The following NBAS variants were observed in gnomAD, a reference collection of about 807,000 sequenced individuals.
NBAS encodes the protein NBAS subunit of NRZ tethering complex.
In NBAS, 219 loss-of-function variants were observed where a neutral mutation model predicts 302.5. The ratio of observed to expected loss-of-function variants is 0.72; its 90% CI spans 0.65 to 0.81. The LOEUF is 0.81. Among genes scored for constraint, NBAS ranks in the 30% least tolerant of loss-of-function variants. The pLI is 0.00. For missense variants in NBAS, 2,932 were observed against 2,841.6 expected (o/e 1.03, Z -0.72); for synonymous variants, 1,118 against 1,021.6 (o/e 1.09, Z -1.80).
chr2:15,542,047 GT>G (rs1663870847), intron 6 of NBAS, among the ~76,000 whole-genome samples: 1 of 84,584 alleles, frequency 1.2e-5, no homozygotes, highest in African/African-American at 4.3e-5. Context: ...CGTCCAGGAG[GT>G]GAGGGGCGCC....
chr2:15,364,663 C>A (rs1166547419), intron 32 of NBAS, among the ~76,000 whole-genome samples: 2 of 152,088 alleles, frequency 1.3e-5, no homozygotes, highest in African/African-American at 4.8e-5. Flanking sequence ...AAGGAGAAAT[C>A]ACAGAGAGCA....
intron 32 of NBAS, among the ~76,000 whole-genome samples, chr2:15,365,010 C>T (rs545786617): frequency 1.2e-4 from 18 of 152,232 alleles, no homozygotes; most frequent in African/African-American, 2.6e-4. Context: ...AAAATTAGCA[C>T]GGCCTTTCTT....
chr2:14,801,396 T>A, the NBAS span, among the ~76,000 whole-genome samples: 1 of 152,194 alleles, frequency 6.6e-6, no homozygotes, highest in African/African-American at 2.4e-5. Context: ...TGCTATGACT[T>A]TAATTTCACC....
At chr2:15,546,129 C>A (rs1183681719) in intron 6 of NBAS, among the ~76,000 whole-genome samples, 2 of 152,090 alleles carry the variant, frequency 1.3e-5, no homozygotes, top group Non-Finnish European at 2.9e-5. Context: ...TTTTAACAAC[C>A]TATCTTTAAG....
chr2:14,791,586 G>A, the NBAS span, among the ~76,000 whole-genome samples: 14 of 151,960 alleles, frequency 9.2e-5, no homozygotes, highest in Non-Finnish European at 1.8e-4. Context: ...GGCACATCAC[G>A]AGGTCAGGAG....
At chr2:15,394,083 C>A in intron 28 of NBAS, 144 bp downstream of exon 28, 2 of 960,970 alleles carry the variant, frequency 2.1e-6, no homozygotes, top group South Asian at 1.8e-5. Flanking sequence ...ACACACATAT[C>A]AAAACTTATC....
the NBAS span, among the ~76,000 whole-genome samples, chr2:15,075,861 G>T: frequency 1.3e-5 from 2 of 152,136 alleles, no homozygotes. Flanking sequence ...GAATGAAGTT[G>T]GTTGGTAAAA....
At chr2:15,528,832 A>C (rs1663062235) in intron 9 of NBAS, among the ~76,000 whole-genome samples, 1 of 147,070 alleles carries the variant, frequency 6.8e-6, no homozygotes, top group Non-Finnish European at 1.5e-5. Context: ...TTGCCATTGC[A>C]CTTTAGCCTG....
chr2:15,314,540 G>C (rs886887681), intron 38 of NBAS, among the ~76,000 whole-genome samples: 5 of 152,176 alleles, frequency 3.3e-5, no homozygotes, highest in African/African-American at 1.2e-4. Flanking sequence ...TGCTGGGCAG[G>C]TAAAACTCAG....
chr2:15,015,765 C>G, the NBAS span, among the ~76,000 whole-genome samples: 21 of 152,044 alleles, frequency 1.4e-4, no homozygotes, highest in Admixed American at 3.9e-4. Flanking sequence ...TCTTATTCAA[C>G]ATAGTACTGG....
At chr2:14,846,250 T>C in the NBAS span, among the ~76,000 whole-genome samples, 2 of 152,098 alleles carry the variant, frequency 1.3e-5, no homozygotes, top group Non-Finnish European at 2.9e-5. Flanking sequence ...GAGAGTGGTA[T>C]GACACATTCA....
chr2:14,961,438 A>T, the NBAS span, among the ~76,000 whole-genome samples: 6 of 151,226 alleles, frequency 4.0e-5, no homozygotes, highest in Admixed American at 3.3e-4. Context: ...TTTTTTTTTT[A>T]AAGCTGGGCC....
rs150412503 is a variant in NBAS at position 15,315,314 on chromosome 2, G to C, written c.4583-6067C>G. Among the ~76,000 whole-genome samples the C allele has an allele frequency of 2.2e-4, 33 of 152,294 alleles. No individual in the cohort carries two copies. The East Asian group carries it at 6.2e-3, about 28-fold the overall frequency. ...GAAAAATACAGGTACAGTAAATGTG[G>C]CAATATTAACTGGAGGGTACACAGG... On this transcript the variant is annotated intron_variant, in intron 38 of 51. Coordinates refer to ENST00000281513, the MANE Select transcript of NBAS (RefSeq NM_015909.4).
At chr2:15,387,687 A>G (rs1675373736) in intron 28 of NBAS, among the ~76,000 whole-genome samples, 1 of 151,570 alleles carries the variant, frequency 6.6e-6, no homozygotes, top group South Asian at 2.1e-4. Flanking sequence ...GCTGGAGTGC[A>G]GTGGCAAGAT....
At chr2:15,020,572 G>A in the NBAS span, among the ~76,000 whole-genome samples, 2 of 152,122 alleles carry the variant, frequency 1.3e-5, no homozygotes, top group Non-Finnish European at 2.9e-5. Context: ...GACAAAAGGG[G>A]CAGGAAAGAG....
chr2:15,265,675 T>C (rs1195846041), intron 44 of NBAS, among the ~76,000 whole-genome samples: 2 of 152,168 alleles, frequency 1.3e-5, no homozygotes, highest in African/African-American at 4.8e-5. Context: ...CTATGGCCCA[T>C]GCATGGTTCA....
chr2:15,397,672 C>T (rs1675933556), intron 26 of NBAS: 40 of 537,326 alleles, frequency 7.4e-5, no homozygotes, highest in South Asian at 6.9e-4. Flanking sequence ...TGACGAATTT[C>T]TTAATGCCCT....
chr2:15,260,354 C>T (rs1190980780), intron 44 of NBAS, among the ~76,000 whole-genome samples: 2 of 152,200 alleles, frequency 1.3e-5, no homozygotes, highest in Non-Finnish European at 2.9e-5. Flanking sequence ...TGGCTCTTAT[C>T]AGGCTTACTG....
rs762413546 is a variant in NBAS, at chr2:15,309,200, C to T, written c.4630G>A (p.Ala1544Thr). Residue 1544 changes from alanine to threonine, a missense_variant, in exon 39 of 52, where the codon GCT becomes ACT. Coordinates refer to ENST00000281513, the MANE Select transcript of NBAS (RefSeq NM_015909.4). ...SEALPNDMTLALAYLLALPQV... is the reference protein window; with the variant it reads ...SEALPNDMTLTLAYLLALPQV... ...GGTAAGGCAAGAAGGTAAGCAAGAG[C>T]CAAGGTCATGTCATTTGGCAAGGCT... 6 of 1,612,756 alleles carry T rather than the reference C, an allele frequency of 3.7e-6. No homozygotes were observed. The Admixed American group carries it at 5.0e-5, about 13-fold the overall frequency.
Sources: allele counts gnomAD v4.1 joint callset (sites outside exome capture counted in the v4.1 genomes callset), GRCh38; gene constraint gnomAD v4.1.1; transcripts MANE v1.5; gene names NCBI Gene and HGNC (gene_info 2026-07-23, HGNC 2026-07-21).